ABCC12: variants seen among roughly 807,000 people sequenced by gnomAD.
The protein encoded by ABCC12 is ATP-binding cassette sub-family C member 12.
ABCC12 carries 142 observed loss-of-function variants against 151.1 expected under a neutral mutation model. The ratio of observed to expected loss-of-function variants is 0.94; its 90% CI spans 0.82 to 1.08. The LOEUF is 1.08. Ranked by LOEUF, ABCC12 falls within the 50% of genes least tolerant of loss-of-function variation. The pLI is 0.00. For missense variants in ABCC12, 1,638 were observed against 1,691.1 expected, an observed-to-expected ratio of 0.97 and a Z score of 0.55; for synonymous variants, 645 against 646.4, an observed-to-expected ratio of 1.00 and a Z score of 0.03.
At chr16:48,141,163 G>C in intron 5 of ABCC12, 43 bp downstream of exon 5, 1 of 1,604,204 alleles carries the variant, frequency 6.2e-7, no homozygotes. Flanking sequence ...TCTTTGCTAG[G>C]CTGGGGACCT....
At chr16:48,119,408 C>A (rs750707371) in intron 13 of ABCC12, among the ~76,000 whole-genome samples, 1 of 152,268 alleles carries the variant, frequency 6.6e-6, no homozygotes, top group Non-Finnish European at 1.5e-5. Context: ...GCATTTGGCA[C>A]ATATTTGCCC....
At chr16:48,146,669 A>C in intron 2 of ABCC12, 195 bp from the exon 3 acceptor site, 1 of 444,886 alleles carries the variant, frequency 2.2e-6, no homozygotes, top group Non-Finnish European at 4.0e-6. Flanking sequence ...AGGCTTTCTT[A>C]TTAGTAGGAC....
At position 48,115,716 on chromosome 16, in the gene ABCC12, C is replaced by T. The variant is rs748520471; in HGVS notation, c.1786-98G>A. On this transcript the variant is annotated intron_variant, in intron 14 of 30. Transcript: ENST00000311303. ...AGCTTCTCAGGACTCAGGGGAAAGA[C>T]GTACACACTGATCCTCGCCATATCC... is the stretch of plus-strand genomic sequence containing the variant. The T allele has an allele frequency of 8.6e-5, 107 of 1,238,928 alleles. 1 individual carries two copies. The highest frequency in any genetic ancestry group is 1.1e-4 in the Non-Finnish European group (95 of 900,970). The allele number at this position is 1,238,928 out of a possible 1,614,324, so 76.7% of individuals were successfully genotyped here. A position where few individuals can be genotyped will look rare whatever the true frequency, so the allele number is the denominator to read the frequency against.
At chr16:48,145,814 C>A (rs949593406) in intron 3 of ABCC12, among the ~76,000 whole-genome samples, 4 of 152,240 alleles carry the variant, frequency 2.6e-5, no homozygotes, top group African/African-American at 9.6e-5. Context: ...ACCAAATGAA[C>A]CACCCAGCTG....
rs1348446571 is a variant in ABCC12 at position 48,086,749 on chromosome 16, T to C, written c.3706A>G (p.Arg1236Gly). 2 of 1,613,344 alleles carry C rather than the reference T, an allele frequency of 1.2e-6. No individual in the cohort carries two copies. Among genetic ancestry groups the C allele is most frequent in the South Asian group, 2.2e-5 (2 of 91,056 alleles). The change falls in exon 28 of 31, where the codon AGA (arginine) becomes GGA (glycine). Residue 1236 changes from arginine (R) to glycine (G), a missense_variant. Arg to Gly is a moderately radical substitution (Grantham distance 125, BLOSUM62 -2). Transcript: ENST00000311303. Reference protein sequence around the residue: ...LWQVLERTFMRDTIMKLPEKL... With the variant: ...LWQVLERTFMGDTIMKLPEKL... ...CAGCCCCAGAGACCTACTGTGTCTCTCATGAATGTTCTCTCCAGAACCTGC... is the reference window on the plus strand; with the variant it reads ...CAGCCCCAGAGACCTACTGTGTCTCCCATGAATGTTCTCTCCAGAACCTGC...
chr16:48,086,281 T>A (rs1163752225), intron 28 of ABCC12: 1 of 173,108 alleles, frequency 5.8e-6, no homozygotes, highest in African/African-American at 2.4e-5. Context: ...ATACTTGCCA[T>A]TCCCAGAACA....
At chr16:48,119,614 AGAG>A (rs1964001255) in intron 13 of ABCC12, among the ~76,000 whole-genome samples, 3 of 152,228 alleles carry the variant, frequency 2.0e-5, no homozygotes, top group Non-Finnish European at 4.4e-5. Flanking sequence ...TGGCCGGGGA[AGAG>A]GAGGTGAATT....
chr16:48,125,330 G>A (rs1567453497), intron 11 of ABCC12, among the ~76,000 whole-genome samples: 1 of 152,192 alleles, frequency 6.6e-6, no homozygotes, highest in Non-Finnish European at 1.5e-5. Context: ...CAGAGGAGGT[G>A]GGGTATTGAT....
In ABCC12 at chr16:48,121,746, A is replaced by G. The variant is rs778864609; in HGVS notation, c.1682T>C (p.Ile561Thr). 6.2e-7 allele frequency: 1 copy of G among 1,614,068 alleles called. No homozygotes were observed. The highest frequency in any genetic ancestry group is 8.5e-7 in the Non-Finnish European group (1 of 1,180,028). ...GTGATCATACTTTTCTCCAAAGAGT[A>G]TGTTTTCTCTCACATTTCCATGAAA... ...WIFHGNVREN[I>T]LFGEKYDHQR... The change falls in exon 13 of 31, where the codon ATA becomes ACA. Residue 561 changes from isoleucine (I) to threonine (T), a missense_variant. Physicochemically the swap from Ile to Thr is moderately conservative, Grantham distance 89 (BLOSUM62 -1). Transcript: ENST00000311303.
chr16:48,105,338 T>C lies in ABCC12; in HGVS notation c.2476-2A>G. The stretch of plus-strand genomic sequence containing the variant: ...GTTGCCCTGGGGCCCACAGGTCATC[T>C]TTGGAGAAAAACAAGAGAAGCACCA... On this transcript the variant is annotated splice_acceptor_variant, in intron 20 of 30. Transcript: ENST00000311303. LOFTEE classifies it high-confidence loss of function. 1 of 1,603,554 alleles carries C rather than the reference T, an allele frequency of 6.2e-7. No individual in the cohort carries two copies. The highest frequency in any genetic ancestry group is 8.5e-7 in the Non-Finnish European group (1 of 1,175,476).
In ABCC12 at chr16:48,082,440, C is replaced by G. The variant is rs1962381021; in HGVS notation, c.*1275G>C. 6.6e-6 allele frequency among the ~76,000 whole-genome samples: 1 copy of G among 152,226 alleles called. No individual in the cohort carries two copies. Among genetic ancestry groups the G allele is most frequent in the African/African-American group, 2.4e-5 (1 of 41,456 alleles). Reference sequence around the variant, plus strand: ...TTTGGCCAGAAATCCAGATTAAGCTCTTAACATGCACACACACCTGGGAGG... The same window carrying G: ...TTTGGCCAGAAATCCAGATTAAGCTGTTAACATGCACACACACCTGGGAGG... On this transcript the variant is annotated 3_prime_UTR_variant, in exon 31 of 31. Coordinates refer to ENST00000311303, the MANE Select transcript of ABCC12 (RefSeq NM_001393797.1).
intron 22 of ABCC12, among the ~76,000 whole-genome samples, chr16:48,101,279 C>T (rs1387044639): frequency 1.3e-5 from 2 of 152,130 alleles, no homozygotes; most frequent in Admixed American, 1.3e-4. Context: ...CTCCACAAGG[C>T]GTGATTCTAG....
At position 48,088,619 on chromosome 16, in the gene ABCC12, G is replaced by A. The variant is rs138255381; in HGVS notation, c.3401C>T (p.Pro1134Leu). The A allele has an allele frequency of 1.2e-6, 2 of 1,614,084 alleles. No individual in the cohort carries two copies. The highest frequency in any genetic ancestry group is 1.3e-5 in the African/African-American group (1 of 74,934). The change falls in exon 26 of 31, where the codon CCC (proline) becomes CTC (leucine). Residue 1134 changes from proline to leucine, a missense_variant. Coordinates refer to ENST00000311303, the MANE Select transcript of ABCC12 (RefSeq NM_001393797.1). ...CAAGTTCAGGCTGTCGAGAACAAGGGGGGTGTTGTCTCTGTATCTCATCTG... is the reference window on the plus strand; with the variant it reads ...CAAGTTCAGGCTGTCGAGAACAAGGAGGGTGTTGTCTCTGTATCTCATCTG... ...DYQMRYRDNT[P>L]LVLDSLNLNI...
chr16:48,096,773 T>C lies in ABCC12; in HGVS notation c.3168A>G (p.Lys1056=), dbSNP rs771140837. Residue 1056 remains lysine, a synonymous_variant, in exon 24 of 31, where the codon AAA becomes AAG. Transcript: ENST00000311303. ...GGATGATGTATGACAATGACAGGCC[T>C]TTGGATGAAGTACTGATGGAGGAGA... ...LSFSSISTSS[K]GLSLSYIIQL... is the part of the protein sequence containing the mutation. The C allele has an allele frequency of 2.5e-6, 4 of 1,613,966 alleles. No individual in the cohort carries two copies. The Admixed American group carries it at 6.7e-5, about 27-fold the overall frequency.
intron 8 of ABCC12, among the ~76,000 whole-genome samples, chr16:48,137,047 C>T (rs1257811091): frequency 6.6e-6 from 1 of 152,304 alleles, no homozygotes; most frequent in Non-Finnish European, 1.5e-5. Context: ...ATCTGACTGA[C>T]ATCTTTTAAA....
chr16:48,114,184 C>A (rs1963796428), intron 15 of ABCC12, among the ~76,000 whole-genome samples: 1 of 152,212 alleles, frequency 6.6e-6, no homozygotes, highest in Admixed American at 6.5e-5. Flanking sequence ...AGACAATCCC[C>A]ATGCGCAAAA....
intron 13 of ABCC12, among the ~76,000 whole-genome samples, chr16:48,118,539 T>C (rs140370582): frequency 6.6e-6 from 1 of 152,362 alleles, no homozygotes; most frequent in East Asian, 1.9e-4. Context: ...ACAGAATTGA[T>C]TGATTGATAT....
chr16:48,118,704 C>T (rs1399744016), intron 13 of ABCC12, among the ~76,000 whole-genome samples: 4 of 152,188 alleles, frequency 2.6e-5, no homozygotes, highest in African/African-American at 9.7e-5. Context: ...CACACAGGCC[C>T]CAAAACAGAA....
intron 11 of ABCC12, among the ~76,000 whole-genome samples, chr16:48,125,489 A>G (rs542546643): frequency 6.6e-6 from 1 of 152,354 alleles, no homozygotes. Context: ...CAGGGACAAC[A>G]TCTGCCACAG....
Sources: allele counts gnomAD v4.1 joint callset (sites outside exome capture counted in the v4.1 genomes callset), GRCh38; gene constraint gnomAD v4.1.1; transcripts MANE v1.5; gene names NCBI Gene and HGNC (gene_info 2026-07-23, HGNC 2026-07-21).